Variants in ASTN2 observed in about 807,000 individuals in gnomAD.
The protein encoded by ASTN2 is astrotactin-2.
Under a neutral mutation model 139.8 loss-of-function variants are expected in ASTN2, and 54 were observed. That is an observed-to-expected ratio of 0.39 (90% confidence interval 0.31 to 0.48). The LOEUF (loss-of-function observed/expected upper bound fraction) is 0.48. Among genes scored for constraint, ASTN2 ranks in the 20% least tolerant of loss-of-function variants. The pLI is 0.95. For synonymous variants in ASTN2, 756 were observed against 719.5 expected (o/e 1.05, Z -0.81); for missense variants, 1,565 against 1,725.1 (o/e 0.91, Z 1.64).
chr9:116,882,665 T>C (rs577329094), intron 10 of ASTN2, among the ~76,000 whole-genome samples: 51 of 152,214 alleles, frequency 3.4e-4, no homozygotes, highest in African/African-American at 1.2e-3. Context: ...TGTATTTATT[T>C]GACAAGAAGA....
intron 1 of ASTN2, among the ~76,000 whole-genome samples, chr9:117,335,981 TAAC>T (rs1828868444): frequency 6.8e-6 from 1 of 147,710 alleles, no homozygotes; most frequent in African/African-American, 2.5e-5. Flanking sequence ...CTGACAATAT[TAAC>T]AACACACGAC....
At chr9:116,763,108 C>T (rs1043492203) in intron 13 of ASTN2, among the ~76,000 whole-genome samples, 4 of 152,164 alleles carry the variant, frequency 2.6e-5, no homozygotes, top group Non-Finnish European at 4.4e-5. Context: ...TGAGGACCCC[C>T]AATAATCATG....
intron 17 of ASTN2, among the ~76,000 whole-genome samples, chr9:116,623,965 T>C (rs1265761751): frequency 2.6e-5 from 4 of 152,154 alleles, no homozygotes; most frequent in Non-Finnish European, 2.9e-5. Context: ...TGAAACCTTA[T>C]ACTGGAGGCA....
intron 3 of ASTN2, among the ~76,000 whole-genome samples, chr9:117,207,388 C>T (rs534140117): frequency 9.3e-4 from 141 of 152,166 alleles, no homozygotes; most frequent in African/African-American, 3.3e-3. Flanking sequence ...GCTGTTCAGG[C>T]CACTGCATGC....
intron 3 of ASTN2, among the ~76,000 whole-genome samples, chr9:117,207,888 G>A (rs1486022448): frequency 6.6e-6 from 1 of 152,196 alleles, no homozygotes; most frequent in Non-Finnish European, 1.5e-5. Context: ...TCTTACAAAT[G>A]TCACTAATGT....
intron 10 of ASTN2, among the ~76,000 whole-genome samples, chr9:116,972,386 C>A (rs750495222): frequency 6.6e-6 from 1 of 151,986 alleles, no homozygotes; most frequent in Non-Finnish European, 1.5e-5. Flanking sequence ...TACTTTTTCG[C>A]TGATGGGTAT....
intron 19 of ASTN2, among the ~76,000 whole-genome samples, chr9:116,606,867 C>G (rs1186557557): frequency 6.6e-6 from 1 of 152,188 alleles, no homozygotes. Context: ...CTAGATCTCT[C>G]TCACTGAGAA....
At chr9:116,441,852 A>G (rs957447918) in intron 21 of ASTN2, among the ~76,000 whole-genome samples, 7 of 152,204 alleles carry the variant, frequency 4.6e-5, no homozygotes, top group Non-Finnish European at 1.5e-5. Flanking sequence ...GATCTGATTG[A>G]CTGATTATAT....
At position 116,982,557 on chromosome 9, in the gene ASTN2, T is replaced by C. The variant is rs540976921; in HGVS notation, c.1592-5772A>G. ...CTTTATCTGTAATTTGGGATTTTTT[T>C]TTTAAATTATCATTATTATTTTTTT... On this transcript the variant is annotated intron_variant, in intron 7 of 22. Transcript: ENST00000313400. 3.8e-3 allele frequency among the ~76,000 whole-genome samples: 577 copies of C among 151,918 alleles called. 4 individuals carry two copies. Among genetic ancestry groups the C allele is most frequent in the African/African-American group, 0.013 (540 of 41,522 alleles).
At chr9:117,045,566 G>A (rs1036770915) in intron 5 of ASTN2, among the ~76,000 whole-genome samples, 4 of 152,012 alleles carry the variant, frequency 2.6e-5, no homozygotes, top group Admixed American at 6.5e-5. Flanking sequence ...TAAGAAATTC[G>A]ACCGGAAATA....
chr9:116,481,889 G>A (rs1221430693), intron 20 of ASTN2, among the ~76,000 whole-genome samples: 1 of 152,184 alleles, frequency 6.6e-6, no homozygotes, highest in Non-Finnish European at 1.5e-5. Context: ...CACATGGGAG[G>A]AGGGGAGGAG....
intron 1 of ASTN2, among the ~76,000 whole-genome samples, chr9:117,308,862 T>C (rs900622597): frequency 2.0e-5 from 3 of 152,124 alleles, no homozygotes; most frequent in Non-Finnish European, 4.4e-5. Flanking sequence ...GGATTTTTCA[T>C]CCATGAAACT....
At chr9:117,240,131 A>G (rs151253570) in intron 2 of ASTN2, among the ~76,000 whole-genome samples, 100 of 152,274 alleles carry the variant, frequency 6.6e-4, no homozygotes, top group African/African-American at 2.3e-3. Context: ...TAAATACAGA[A>G]GTTGAGATTG....
At chr9:116,535,587 A>G (rs561282968) in intron 19 of ASTN2, among the ~76,000 whole-genome samples, 1 of 152,060 alleles carries the variant, frequency 6.6e-6, no homozygotes, top group Non-Finnish European at 1.5e-5. Context: ...CTTGTCTATA[A>G]AGGATTTTTA....
chr9:116,878,260 T>C (rs748767414), intron 10 of ASTN2, among the ~76,000 whole-genome samples: 3 of 152,210 alleles, frequency 2.0e-5, no homozygotes, highest in Non-Finnish European at 4.4e-5. Context: ...CATGTGTATG[T>C]TCATTGCAGC....
intron 17 of ASTN2, 141 bp downstream of exon 17, chr9:116,651,387 G>T: frequency 3.1e-6 from 3 of 972,804 alleles, no homozygotes; most frequent in Non-Finnish European, 3.0e-6. Flanking sequence ...ACATGGTAAG[G>T]AATCAATAAA....
chr9:116,569,514 T>C (rs1441762495), intron 19 of ASTN2, among the ~76,000 whole-genome samples: 1 of 152,234 alleles, frequency 6.6e-6, no homozygotes, highest in Non-Finnish European at 1.5e-5. Flanking sequence ...CCAGCTCTGC[T>C]GTTTATCTGA....
chr9:117,147,668 G>C (rs1353095260), intron 3 of ASTN2, among the ~76,000 whole-genome samples: 2 of 152,090 alleles, frequency 1.3e-5, no homozygotes, highest in Non-Finnish European at 1.5e-5. Flanking sequence ...ATTTCCTTAT[G>C]GTTTCTCACT....
At chr9:117,065,165 A>G (rs1587923033) in intron 5 of ASTN2, among the ~76,000 whole-genome samples, 1 of 152,154 alleles carries the variant, frequency 6.6e-6, no homozygotes, top group African/African-American at 2.4e-5. Context: ...GGCTAGGAGG[A>G]AGCCACGGAA....
Sources: allele counts gnomAD v4.1 joint callset (sites outside exome capture counted in the v4.1 genomes callset), GRCh38; gene constraint gnomAD v4.1.1; transcripts MANE v1.5; gene names NCBI Gene and HGNC (gene_info 2026-07-23, HGNC 2026-07-21).